The following GRIK2 variants were observed in gnomAD, a reference collection of about 807,000 sequenced individuals.
GRIK2 encodes the protein glutamate ionotropic receptor kainate type subunit 2, also known as glutamate receptor ionotropic, kainate 2.
Under a neutral mutation model 100.3 loss-of-function variants are expected in GRIK2, and 32 were observed. The observed-to-expected ratio is 0.32, with a 90% CI of 0.24 to 0.43. The LOEUF (loss-of-function observed/expected upper bound fraction) is 0.43, where lower values mean the gene tolerates loss of function less well. GRIK2 is among the 20% of genes least tolerant of loss of function. The pLI, the probability that GRIK2 is intolerant of heterozygous loss-of-function variation, is 1.00. For missense variants in GRIK2, 843 were observed against 1,114.9 expected, an observed-to-expected ratio of 0.76 and a Z score of 3.47; for synonymous variants, 417 against 389.4, an observed-to-expected ratio of 1.07 and a Z score of -0.83.
intron 4 of GRIK2, among the ~76,000 whole-genome samples, chr6:101,657,837 A>G (rs1344530452): frequency 6.6e-6 from 1 of 152,108 alleles, no homozygotes; most frequent in Non-Finnish European, 1.5e-5. Flanking sequence ...AATAAATAAT[A>G]GAGAATGCAT....
At chr6:101,621,281 C>T (rs1480368133) in intron 2 of GRIK2, among the ~76,000 whole-genome samples, 6 of 151,856 alleles carry the variant, frequency 4.0e-5, no homozygotes, top group Admixed American at 6.6e-5. Flanking sequence ...AGTGAAACCC[C>T]GACTATACAA....
At position 102,008,766 on chromosome 6, in the gene GRIK2, G is replaced by A. The variant is rs997457618; in HGVS notation, c.2086-26575G>A. ...AATCATAGTGACTCTCACTGAAAGT[G>A]AGTGCTTCAGGACTTTGAAAAATAA... On this transcript the variant is annotated intron_variant, in intron 14 of 16. Transcript: ENST00000369134. 8.5e-5 allele frequency among the ~76,000 whole-genome samples: 13 copies of A among 152,192 alleles called. No homozygotes were observed. The East Asian group carries it at 2.5e-3, about 29-fold the overall frequency.
At chr6:101,488,823 G>A (rs1423107384) in intron 2 of GRIK2, among the ~76,000 whole-genome samples, 1 of 145,556 alleles carries the variant, frequency 6.9e-6, no homozygotes, top group Non-Finnish European at 1.5e-5. Context: ...AACATAGTAG[G>A]TGAGGTTGAA....
intron 7 of GRIK2, among the ~76,000 whole-genome samples, chr6:101,765,545 G>T (rs1777996088): frequency 6.6e-6 from 1 of 151,886 alleles, no homozygotes; most frequent in Non-Finnish European, 1.5e-5. Flanking sequence ...TTTCAGCTTT[G>T]GAGACTGCAT....
chr6:101,734,097 C>T (rs1775470712), intron 7 of GRIK2, among the ~76,000 whole-genome samples: 1 of 152,122 alleles, frequency 6.6e-6, no homozygotes, highest in Non-Finnish European at 1.5e-5. Flanking sequence ...GCTGCTTCCA[C>T]ATATGCAGGT....
chr6:101,565,916 TA>T (rs1399199428), intron 2 of GRIK2, among the ~76,000 whole-genome samples: 4 of 50,444 alleles, frequency 7.9e-5, no homozygotes, highest in African/African-American at 2.8e-4. Flanking sequence ...ATACCTATTT[TA>T]TATATATATA....
intron 11 of GRIK2, among the ~76,000 whole-genome samples, chr6:101,875,269 A>G (rs977942339): frequency 2.0e-5 from 3 of 151,856 alleles, no homozygotes; most frequent in African/African-American, 7.2e-5. Context: ...GCCAATTTAC[A>G]AATCGGTGGA....
intron 2 of GRIK2, among the ~76,000 whole-genome samples, chr6:101,443,971 A>T (rs968026666): frequency 4.0e-5 from 6 of 151,016 alleles, no homozygotes; most frequent in African/African-American, 1.5e-4. Context: ...TGTAGCCTCT[A>T]CCTCCTGGGC....
chr6:101,451,224 A>G (rs962526266), intron 2 of GRIK2, among the ~76,000 whole-genome samples: 1 of 151,636 alleles, frequency 6.6e-6, no homozygotes, highest in African/African-American at 2.4e-5. Context: ...TGTGGACTTA[A>G]TCTTTATGTT....
intron 2 of GRIK2, among the ~76,000 whole-genome samples, chr6:101,476,604 A>G (rs1320247278): frequency 6.6e-6 from 1 of 152,172 alleles, no homozygotes; most frequent in Non-Finnish European, 1.5e-5. Context: ...GGAAAAACTC[A>G]TTAAAAAGCT....
At chr6:101,731,317 A>G (rs776491529) in intron 7 of GRIK2, among the ~76,000 whole-genome samples, 1 of 152,022 alleles carries the variant, frequency 6.6e-6, no homozygotes, top group Non-Finnish European at 1.5e-5. Flanking sequence ...GACCATCAAA[A>G]TCTCTTTGTA....
At chr6:101,466,281 A>T (rs1401250567) in intron 2 of GRIK2, among the ~76,000 whole-genome samples, 1 of 151,746 alleles carries the variant, frequency 6.6e-6, no homozygotes, top group African/African-American at 2.4e-5. Context: ...ATGAGATTTG[A>T]TATAATATTC....
intron 7 of GRIK2, among the ~76,000 whole-genome samples, chr6:101,730,072 G>A (rs2128370471): frequency 6.6e-6 from 1 of 151,984 alleles, no homozygotes; most frequent in Middle Eastern, 3.4e-3. Flanking sequence ...TATTAAATAA[G>A]AATGAACCAG....
chr6:101,763,025 A>G (rs1448065878), intron 7 of GRIK2, among the ~76,000 whole-genome samples: 1 of 152,190 alleles, frequency 6.6e-6, no homozygotes, highest in East Asian at 1.9e-4. Flanking sequence ...GCTGTCTACA[A>G]GAGGCCACAG....
At chr6:101,824,928 C>T (rs1782218135) in intron 10 of GRIK2, among the ~76,000 whole-genome samples, 1 of 152,132 alleles carries the variant, frequency 6.6e-6, no homozygotes, top group Non-Finnish European at 1.5e-5. Flanking sequence ...ACCGAATTAT[C>T]CCCTAAGTGG....
intron 7 of GRIK2, among the ~76,000 whole-genome samples, chr6:101,795,377 GT>G (rs1780224736): frequency 6.6e-6 from 1 of 152,106 alleles, no homozygotes; most frequent in Non-Finnish European, 1.5e-5. Flanking sequence ...ATTTTACTGG[GT>G]GTAGGAGTGC....
chr6:101,488,503 G>A (rs966866702), intron 2 of GRIK2, among the ~76,000 whole-genome samples: 1 of 146,856 alleles, frequency 6.8e-6, no homozygotes, highest in African/African-American at 2.6e-5. Context: ...AGGTTTATCA[G>A]AGAGATCATC....
intron 14 of GRIK2, among the ~76,000 whole-genome samples, chr6:102,017,372 C>A (rs1769167752): frequency 6.6e-6 from 1 of 152,136 alleles, no homozygotes; most frequent in Admixed American, 6.6e-5. Context: ...TCCTTATGAT[C>A]CCATCACCTC....
At chr6:101,394,302 C>T (rs2852502) in intron 1 of GRIK2, among the ~76,000 whole-genome samples, 2 of 152,080 alleles carry the variant, frequency 1.3e-5, no homozygotes, top group Admixed American at 1.3e-4. Flanking sequence ...TTATTTTAAC[C>T]GGCACCCGTA....
Sources: gnomAD v4.1 joint callset for allele counts (sites outside exome capture counted in the v4.1 genomes callset) on GRCh38, gnomAD v4.1.1 for gene constraint, MANE v1.5 for transcripts, NCBI Gene and HGNC (gene_info 2026-07-23, HGNC 2026-07-21) for gene names.